The following SAMD3 variants were observed in gnomAD, a reference collection of about 807,000 sequenced individuals.
SAMD3 encodes sterile alpha motif domain containing 3.
A neutral mutation model predicts 58.5 loss-of-function variants in SAMD3; 63 were observed. The observed-to-expected ratio is 1.08, with a 90% confidence interval of 0.88 to 1.33. The LOEUF (loss-of-function observed/expected upper bound fraction) is 1.33, where lower values mean the gene tolerates loss of function less well. SAMD3 is among the 40% of genes most tolerant of loss of function. SAMD3 has a pLI of 0.00. For synonymous variants in SAMD3, 220 were observed against 210.3 expected (o/e 1.05, Z -0.40); for missense variants, 604 against 608.4 (o/e 0.99, Z 0.08).
chr6:130,238,297 A>G (rs1220075501), intron 2 of SAMD3, among the ~76,000 whole-genome samples: 1 of 152,194 alleles, frequency 6.6e-6, no homozygotes, highest in Non-Finnish European at 1.5e-5. Flanking sequence ...GTTATTAAAA[A>G]CGAAAAAATA....
At chr6:130,170,112 T>TG (rs1460454403) in intron 8 of SAMD3, among the ~76,000 whole-genome samples, 1 of 152,232 alleles carries the variant, frequency 6.6e-6, no homozygotes. Flanking sequence ...ACATGTACCA[T>TG]GGTGGTTTGC....
intron 8 of SAMD3, among the ~76,000 whole-genome samples, chr6:130,165,458 G>A (rs1790650061): frequency 6.6e-6 from 1 of 152,038 alleles, no homozygotes; most frequent in African/African-American, 2.4e-5. Context: ...GATGTAAATG[G>A]TATTTACATC....
At chr6:130,365,190 A>T (rs1778102464) in exon 1 of SAMD3, 1 of 985,388 alleles carries the variant, frequency 1.0e-6, no homozygotes, top group Non-Finnish European at 1.2e-6. Flanking sequence ...TACTCTGTGA[A>T]CAGGCCAGTC....
At chr6:130,211,132 GA>G (rs1433187021) in intron 4 of SAMD3, among the ~76,000 whole-genome samples, 1 of 151,910 alleles carries the variant, frequency 6.6e-6, no homozygotes. Context: ...ACAAAAAAGA[GA>G]AACATTTATG....
chr6:130,273,221 TA>T (rs1413975169), intron 2 of SAMD3, among the ~76,000 whole-genome samples: 2 of 152,192 alleles, frequency 1.3e-5, no homozygotes, highest in Non-Finnish European at 1.5e-5. Flanking sequence ...ATTATTGTTA[TA>T]TCTTCCTGAT....
At chr6:130,198,349 C>G (rs1190422788) in intron 5 of SAMD3, among the ~76,000 whole-genome samples, 1 of 152,152 alleles carries the variant, frequency 6.6e-6, no homozygotes, top group Admixed American at 6.5e-5. Context: ...GGACTACAAG[C>G]ATGCATCACC....
At chr6:130,197,187 C>T (rs1025496043) in intron 5 of SAMD3, among the ~76,000 whole-genome samples, 36 of 152,206 alleles carry the variant, frequency 2.4e-4, no homozygotes, top group Non-Finnish European at 8.8e-5. Flanking sequence ...CCTGTATAGA[C>T]GCTCCGTTTT....
At chr6:130,306,040 C>T (rs1198753932) in intron 2 of SAMD3, among the ~76,000 whole-genome samples, 1 of 152,194 alleles carries the variant, frequency 6.6e-6, no homozygotes, top group Non-Finnish European at 1.5e-5. Flanking sequence ...TCTCTAGGGT[C>T]TCTTTTATAA....
At chr6:130,261,547 A>AGT (rs1408342491) in intron 2 of SAMD3, among the ~76,000 whole-genome samples, 2 of 152,122 alleles carry the variant, frequency 1.3e-5, no homozygotes, top group Non-Finnish European at 2.9e-5. Flanking sequence ...AAACTGCAAA[A>AGT]GTGTGTGTGT....
At chr6:130,337,471 A>G (rs946091325) in intron 1 of SAMD3, among the ~76,000 whole-genome samples, 1 of 152,234 alleles carries the variant, frequency 6.6e-6, no homozygotes, top group Non-Finnish European at 1.5e-5. Context: ...GGACTACTAT[A>G]GTAAATTGGT....
chr6:130,259,355 A>G (rs1196556292), intron 2 of SAMD3, among the ~76,000 whole-genome samples: 2 of 152,144 alleles, frequency 1.3e-5, no homozygotes, highest in African/African-American at 4.8e-5. Flanking sequence ...GTGTGCAGTG[A>G]TCACATGGTG....
intron 1 of SAMD3, among the ~76,000 whole-genome samples, 157 bp downstream of exon 1, chr6:130,222,537 G>T (rs182581220): frequency 5.3e-5 from 8 of 152,282 alleles, no homozygotes; most frequent in South Asian, 2.1e-4. Flanking sequence ...GGCTGGGAAA[G>T]CATATACTAG....
chr6:130,313,028 A>T (rs913472090), exon 2 of SAMD3: 2 of 152,306 alleles, frequency 1.3e-5, no homozygotes, highest in African/African-American at 4.8e-5. Flanking sequence ...TTTGGGTTGT[A>T]GCTTCCTAAC....
chr6:130,303,312 C>A (rs1775812936), intron 2 of SAMD3, among the ~76,000 whole-genome samples: 1 of 152,124 alleles, frequency 6.6e-6, no homozygotes. Flanking sequence ...CCACATATGG[C>A]CAATGACATC....
intron 1 of SAMD3, among the ~76,000 whole-genome samples, chr6:130,360,453 A>G (rs1777951898): frequency 6.6e-6 from 1 of 152,220 alleles, no homozygotes; most frequent in Non-Finnish European, 1.5e-5. Flanking sequence ...GATGTCCCAC[A>G]AGCCACAAAA....
At chr6:130,347,245 G>A (rs1245310746) in intron 1 of SAMD3, among the ~76,000 whole-genome samples, 1 of 152,184 alleles carries the variant, frequency 6.6e-6, no homozygotes, top group Admixed American at 6.5e-5. Flanking sequence ...TTGACGAGTT[G>A]AGAGAACAAG....
intron 2 of SAMD3, among the ~76,000 whole-genome samples, chr6:130,234,226 T>TGAGAAG: frequency 1.3e-5 from 2 of 152,194 alleles, no homozygotes; most frequent in African/African-American, 2.4e-5. Context: ...AATTATTTCT[T>TGAGAAG]CATATGGTCA....
rs867745323 is a variant in SAMD3, at chr6:130,154,994, T to A, written c.854A>T (p.Asp285Val). The change falls in exon 9 of 12, where the codon GAT (aspartate) becomes GTT (valine). Residue 285 changes from aspartate to valine, a missense_variant. Coordinates refer to ENST00000439090, the MANE Select transcript of SAMD3 (RefSeq NM_001017373.4). ...EEAVCFDSEL[D>V]EHIKWFQQEY... ...TTGCTGGAACCACTTAATATGTTCA[T>A]CTAGCTCAGAATCAAAACAAACAGC... is the stretch of plus-strand genomic sequence containing the variant. The A allele has an allele frequency of 5.6e-6, 9 of 1,613,366 alleles. No homozygotes were observed. The highest frequency in any genetic ancestry group is 1.7e-4 in the Middle Eastern group (1 of 6,054).
chr6:130,227,827 T>A (rs1488575593), upstream of SAMD3, among the ~76,000 whole-genome samples: 1 of 151,568 alleles, frequency 6.6e-6, no homozygotes, highest in Non-Finnish European at 1.5e-5. Flanking sequence ...AAGGAATCAT[T>A]CGACGTCCTC....
Sources: allele counts gnomAD v4.1 joint callset (sites outside exome capture counted in the v4.1 genomes callset), GRCh38; gene constraint gnomAD v4.1.1; transcripts MANE v1.5; gene names NCBI Gene and HGNC (gene_info 2026-07-23, HGNC 2026-07-21).